NCAPG2: variants seen among roughly 807,000 people sequenced by gnomAD.
The protein encoded by NCAPG2 is condensin-2 complex subunit G2.
In NCAPG2, 53 loss-of-function variants were observed where a neutral mutation model predicts 141.1. That is an observed-to-expected ratio of 0.38 (90% CI 0.30 to 0.47). The LOEUF (loss-of-function observed/expected upper bound fraction) is 0.47. Ranked by LOEUF, NCAPG2 falls within the 20% of genes least tolerant of loss-of-function variation. The pLI, the probability that NCAPG2 is intolerant of heterozygous loss-of-function variation, is 0.99. For missense variants in NCAPG2, 1,087 were observed against 1,389.0 expected, an observed-to-expected ratio of 0.78 and a Z score of 3.46; for synonymous variants, 499 against 490.7, an observed-to-expected ratio of 1.02 and a Z score of -0.22.
intron 16 of NCAPG2, among the ~76,000 whole-genome samples, chr7:158,661,924 C>T (rs866314706): frequency 1.3e-5 from 2 of 152,152 alleles, no homozygotes; most frequent in African/African-American, 2.4e-5. Context: ...GAAATAATGT[C>T]GCTGACCATC....
At chr7:158,648,274 C>G (rs1169152382) in intron 24 of NCAPG2, among the ~76,000 whole-genome samples, 1 of 151,486 alleles carries the variant, frequency 6.6e-6, no homozygotes, top group Non-Finnish European at 1.5e-5. Flanking sequence ...ATAAGTTAAA[C>G]ATGCGTGCTG....
intron 9 of NCAPG2, among the ~76,000 whole-genome samples, chr7:158,682,222 T>C (rs1834491407): frequency 6.6e-6 from 1 of 152,108 alleles, no homozygotes; most frequent in Admixed American, 6.5e-5. Flanking sequence ...TACATAAACA[T>C]AGTTTACATA....
chr7:158,668,689 CAAA>C (rs1281001022), intron 13 of NCAPG2, among the ~76,000 whole-genome samples: 1 of 152,056 alleles, frequency 6.6e-6, no homozygotes, highest in African/African-American at 2.4e-5. Context: ...AAAATTAAAA[CAAA>C]AAAAGTAAAA....
chr7:158,667,284 G>C lies in NCAPG2; in HGVS notation c.1480-2534C>G, dbSNP rs1483661568. On this transcript the variant is annotated intron_variant, in intron 13 of 27. Coordinates refer to ENST00000356309, the MANE Select transcript of NCAPG2 (RefSeq NM_017760.7). ...CCTGTGTCCCTCCGCCTCCCTCAGA[G>C]ACCCTGTGTCCCTCCTCCACCCTTA... 9.9e-6 allele frequency: 9 copies of C among 913,082 alleles called. 1 individual carries two copies. The East Asian group carries it at 8.6e-4, about 88-fold the overall frequency. 56.6% of individuals were successfully genotyped at this position (913,082 alleles called of 1,614,324 possible).
chr7:158,690,233 A>G (rs1249801406), intron 5 of NCAPG2, among the ~76,000 whole-genome samples: 1 of 152,226 alleles, frequency 6.6e-6, no homozygotes, highest in Non-Finnish European at 1.5e-5. Context: ...AGTGCAGTAG[A>G]CATTAGCCAC....
intron 5 of NCAPG2, 41 bp downstream of exon 5, chr7:158,690,527 G>A (rs552114995): frequency 3.8e-6 from 6 of 1,584,324 alleles, no homozygotes; most frequent in African/African-American, 1.3e-5. Context: ...CTGGGCAATA[G>A]AGAGAGACCC....
At chr7:158,672,306 ATATATATATATATATATATATATT>A (rs1563549370) in intron 12 of NCAPG2, among the ~76,000 whole-genome samples, 28 of 23,584 alleles carry the variant, frequency 1.2e-3, no homozygotes, top group African/African-American at 3.8e-3. Flanking sequence ...ATATATATAT[ATATATATATATATATATATATATT>A]TTTTTTTTTT....
At chr7:158,652,704 T>A (rs1244851469) in intron 22 of NCAPG2, among the ~76,000 whole-genome samples, 1 of 152,270 alleles carries the variant, frequency 6.6e-6, no homozygotes, top group Non-Finnish European at 1.5e-5. Context: ...TTAAAACTGA[T>A]ATCTTCAATA....
chr7:158,646,317 T>C (rs1293817109), intron 25 of NCAPG2, 143 bp downstream of exon 25: 1 of 584,458 alleles, frequency 1.7e-6, no homozygotes, highest in African/African-American at 2.0e-5. Context: ...ACTGATAAAA[T>C]GGAGAAAAAA....
chr7:158,702,051 A>G, intron 1 of NCAPG2, 113 bp from the exon 2 acceptor site: 1 of 587,146 alleles, frequency 1.7e-6, no homozygotes, highest in South Asian at 2.7e-5. Flanking sequence ...CACGTATGGC[A>G]GACAGTTTCT....
At chr7:158,649,004 G>A (rs998006268) in intron 24 of NCAPG2, among the ~76,000 whole-genome samples, 1 of 151,866 alleles carries the variant, frequency 6.6e-6, no homozygotes, top group Non-Finnish European at 1.5e-5. Context: ...AAAGTCAGAG[G>A]TTGTTGGACT....
Position 158,656,356 on chromosome 7 carries a change from A to G in NCAPG2, c.2292T>C (p.Ile764=), listed in dbSNP as rs1563518702. The G allele has an allele frequency of 6.2e-7, 1 of 1,614,216 alleles. No homozygotes were observed. The highest frequency in any genetic ancestry group is 8.5e-7 in the Non-Finnish European group (1 of 1,180,034). Reference sequence around the variant, plus strand: ...TCTTTGGATGAGTCAGCAGATACTCAATGTAGACCAATGCCAATTCAGGTT... The same window carrying G: ...TCTTTGGATGAGTCAGCAGATACTCGATGTAGACCAATGCCAATTCAGGTT... The part of the protein sequence containing the change: ...PVKPELALVY[I]EYLLTHPKNR... Residue 764 remains isoleucine (I), a synonymous_variant, in exon 19 of 28, where the codon ATT becomes ATC. Transcript: ENST00000356309.
rs1554560398 is a variant in NCAPG2, at chr7:158,667,331, T to TCCTTAGCC, written c.1480-2582_1480-2581insGGCTAAGG. 3.7e-3 allele frequency: 362 copies of TCCTTAGCC among 97,122 alleles called. 87 individuals are homozygous for TCCTTAGCC. In the Admixed American group the frequency reaches 0.04, roughly 11 times the overall value. The allele number at this position is 97,122 out of a possible 1,614,324, so 6.0% of individuals were successfully genotyped here. ...CTTAGCCGCTACTGTGTCCCTCCGC[T>TCCTTAGCC]ACTGTGTCCCTCCGCTCCTTAGCCA... On this transcript the variant is annotated intron_variant, in intron 13 of 27. Coordinates refer to ENST00000356309, the MANE Select transcript of NCAPG2 (RefSeq NM_017760.7).
At chr7:158,677,525 C>CAAAAAAAAAAAAAAAAAAAAAAAAAAA in intron 11 of NCAPG2, among the ~76,000 whole-genome samples, 18 of 90,404 alleles carry the variant, frequency 2.0e-4, no homozygotes, top group East Asian at 6.0e-4. Flanking sequence ...AAAAATAAAG[C>CAAAAAAAAAAAAAAAAAAAAAAAAAAA]AAAAAAAAAA....
rs541753261 is a variant in NCAPG2, at chr7:158,633,843, C to T, written c.3381-2126G>A. Among the ~76,000 whole-genome samples the T allele has an allele frequency of 3.3e-5, 5 of 152,168 alleles. No individual in the cohort carries two copies. The highest frequency in any genetic ancestry group is 7.2e-5 in the African/African-American group (3 of 41,526). ...ACAGCTCACTGCAGCCTTGACCTCT[C>T]GGGCTCAAGCAATCCTCCCAGCTCA... On this transcript the variant is annotated intron_variant, in intron 27 of 27. Coordinates refer to ENST00000356309, the MANE Select transcript of NCAPG2 (RefSeq NM_017760.7). The surrounding 1 kb of genome is among the most constrained non-coding windows in gnomAD (Gnocchi z 4.1).
At chr7:158,664,033 T>C (rs1832727869) in intron 15 of NCAPG2, 151 bp downstream of exon 15, 1 of 664,540 alleles carries the variant, frequency 1.5e-6, no homozygotes, top group Middle Eastern at 2.8e-4. Context: ...AGCAATTCTT[T>C]CACAAATGTT....
intron 22 of NCAPG2, 38 bp from the exon 23 acceptor site, chr7:158,652,518 C>A (rs1831563808): frequency 6.9e-7 from 1 of 1,454,608 alleles, no homozygotes; most frequent in Admixed American, 2.0e-5. Flanking sequence ...TTTCTAATCA[C>A]ACAAGTTTGT....
intron 27 of NCAPG2, among the ~76,000 whole-genome samples, chr7:158,637,955 C>A (rs374940228): frequency 6.6e-6 from 1 of 152,054 alleles, no homozygotes; most frequent in Admixed American, 6.5e-5. Flanking sequence ...ACCAGCCTGG[C>A]CAACATGGTG....
chr7:158,655,152 T>C lies in NCAPG2; in HGVS notation c.2612A>G (p.Lys871Arg). The C allele has an allele frequency of 6.2e-7, 1 of 1,613,948 alleles. No homozygotes were observed. Residue 871 changes from lysine to arginine, a missense_variant, in exon 21 of 28, where the codon AAG becomes AGG. Coordinates refer to ENST00000356309, the MANE Select transcript of NCAPG2 (RefSeq NM_017760.7). The part of the protein sequence containing the change: ...FIQDQEEDYL[K>R]LHRVIYQQII... ...TTGCTGATAAATGACCCTATGAAGC[T>C]TCAGGTAGTCTTCTTCTTGATCTTG...
Sources: allele counts gnomAD v4.1 joint callset (sites outside exome capture counted in the v4.1 genomes callset), GRCh38; gene constraint gnomAD v4.1.1; non-coding constraint Gnocchi (gnomAD v3.1); transcripts MANE v1.5; gene names NCBI Gene and HGNC (gene_info 2026-07-23, HGNC 2026-07-21).